The following RPS6KC1 variants were observed in gnomAD, a reference collection of about 807,000 sequenced individuals.
RPS6KC1 encodes the protein ribosomal protein S6 kinase C1.
In RPS6KC1, 54 loss-of-function variants were observed where a neutral mutation model predicts 103.8. That is an observed-to-expected ratio of 0.52 (90% CI 0.42 to 0.65). RPS6KC1 has a LOEUF of 0.65. Ranked by LOEUF, RPS6KC1 falls within the 30% of genes least tolerant of loss-of-function variation. The pLI is 0.00. For synonymous variants in RPS6KC1, 439 were observed against 438.7 expected (o/e 1.00, Z -0.01); for missense variants, 1,151 against 1,253.8 (o/e 0.92, Z 1.24).
chr1:213,370,248 A>ATTTAT, the RPS6KC1 span, among the ~76,000 whole-genome samples: 26,268 of 142,072 alleles, frequency 0.18, 2,905 homozygotes, highest in African/African-American at 0.33. Flanking sequence ...ATTTTATTTT[A>ATTTAT]TTTATTTTAT....
At chr1:213,231,005 T>C (rs2094091509) in intron 9 of RPS6KC1, among the ~76,000 whole-genome samples, 1 of 152,160 alleles carries the variant, frequency 6.6e-6, no homozygotes, top group Admixed American at 6.6e-5. Flanking sequence ...TGTCCTTTTA[T>C]GTTGTTTCTG....
the RPS6KC1 span, among the ~76,000 whole-genome samples, chr1:213,773,862 A>T: frequency 3.3e-5 from 5 of 152,244 alleles, no homozygotes; most frequent in African/African-American, 4.8e-5. Context: ...TCACAGCAAC[A>T]GTTACTGTGT....
the RPS6KC1 span, among the ~76,000 whole-genome samples, chr1:213,500,637 T>C: frequency 6.6e-6 from 1 of 152,130 alleles, no homozygotes; most frequent in Non-Finnish European, 1.5e-5. Flanking sequence ...AGTATTGGGG[T>C]TGTGCTATGA....
intron 3 of RPS6KC1, among the ~76,000 whole-genome samples, chr1:213,079,450 ACT>A (rs1450693505): frequency 1.3e-5 from 2 of 152,024 alleles, no homozygotes; most frequent in African/African-American, 4.8e-5. Flanking sequence ...ACAGAGTATC[ACT>A]CTGTCACCTA....
At chr1:213,768,135 T>C in the RPS6KC1 span, among the ~76,000 whole-genome samples, 1 of 152,286 alleles carries the variant, frequency 6.6e-6, no homozygotes, top group Admixed American at 6.5e-5. Flanking sequence ...TGGCTTTTAT[T>C]TTCCACAAAA....
chr1:213,084,360 C>G, intron 3 of RPS6KC1, among the ~76,000 whole-genome samples: 1 of 152,130 alleles, frequency 6.6e-6, no homozygotes, highest in East Asian at 1.9e-4. Context: ...GCCTCGACTT[C>G]CCAGACTGAA....
At chr1:213,354,598 T>C in the RPS6KC1 span, among the ~76,000 whole-genome samples, 2 of 152,220 alleles carry the variant, frequency 1.3e-5, no homozygotes. Flanking sequence ...GTCAAGGGGC[T>C]GCATCTGGTG....
intron 3 of RPS6KC1, among the ~76,000 whole-genome samples, chr1:213,097,415 A>G (rs2081566135): frequency 6.6e-6 from 1 of 152,208 alleles, no homozygotes; most frequent in East Asian, 1.9e-4. Context: ...GTCTTAAAAT[A>G]TTCAGTAGAC....
chr1:213,495,620 C>T, the RPS6KC1 span, among the ~76,000 whole-genome samples: 2 of 152,102 alleles, frequency 1.3e-5, no homozygotes, highest in Non-Finnish European at 2.9e-5. Flanking sequence ...TGCACCTGGC[C>T]CTAATATGCC....
the RPS6KC1 span, among the ~76,000 whole-genome samples, chr1:213,608,249 A>G: frequency 6.6e-6 from 1 of 152,156 alleles, no homozygotes; most frequent in Non-Finnish European, 1.5e-5. Flanking sequence ...GGGGTTCCAC[A>G]ACTCACAGAG....
the RPS6KC1 span, among the ~76,000 whole-genome samples, chr1:213,606,859 T>C: frequency 6.6e-6 from 1 of 152,204 alleles, no homozygotes; most frequent in Non-Finnish European, 1.5e-5. Context: ...AGAACTGATA[T>C]TACTGAGTCC....
chr1:213,177,558 A>G (rs1351973204), intron 8 of RPS6KC1, among the ~76,000 whole-genome samples: 1 of 152,214 alleles, frequency 6.6e-6, no homozygotes, highest in Non-Finnish European at 1.5e-5. Flanking sequence ...AAGTTCTGGC[A>G]AGGATCATTT....
the RPS6KC1 span, among the ~76,000 whole-genome samples, chr1:213,430,806 T>C: frequency 1.3e-5 from 2 of 152,256 alleles, no homozygotes; most frequent in Non-Finnish European, 2.9e-5. Context: ...CCTGTTCTCA[T>C]TGATCAATTT....
At chr1:213,377,633 C>T in the RPS6KC1 span, among the ~76,000 whole-genome samples, 1 of 152,258 alleles carries the variant, frequency 6.6e-6, no homozygotes, top group East Asian at 1.9e-4. Flanking sequence ...ATACTAAATG[C>T]CATGACTCCA....
chr1:213,287,564 C>G, the RPS6KC1 span, among the ~76,000 whole-genome samples: 15 of 152,062 alleles, frequency 9.9e-5, no homozygotes, highest in Admixed American at 6.5e-4. Flanking sequence ...TCAGTGTTAT[C>G]AAGGAAAGGA....
chr1:213,808,091 G>GT, the RPS6KC1 span, among the ~76,000 whole-genome samples: 2 of 152,176 alleles, frequency 1.3e-5, no homozygotes, highest in African/African-American at 2.4e-5. Flanking sequence ...CAGAACAGTG[G>GT]TTTTTCGTGA....
the RPS6KC1 span, among the ~76,000 whole-genome samples, chr1:213,311,151 T>G: frequency 3.7e-3 from 559 of 151,892 alleles, 4 homozygotes; most frequent in African/African-American, 0.013. Flanking sequence ...ATTTTTTTTT[T>G]TTTTTGAGAC....
At chr1:213,220,259 C>T (rs2093796907) in intron 8 of RPS6KC1, among the ~76,000 whole-genome samples, 1 of 152,088 alleles carries the variant, frequency 6.6e-6, no homozygotes, top group Admixed American at 6.5e-5. Flanking sequence ...AACTAATTCT[C>T]TGTGGAAGCA....
At chr1:213,115,388 T>A (rs1191071699) in intron 4 of RPS6KC1, among the ~76,000 whole-genome samples, 2 of 152,198 alleles carry the variant, frequency 1.3e-5, no homozygotes, top group African/African-American at 4.8e-5. Context: ...TTCTGTGGGA[T>A]CGGTGGTGAT....
Sources: allele counts gnomAD v4.1 joint callset (sites outside exome capture counted in the v4.1 genomes callset), GRCh38; gene constraint gnomAD v4.1.1; transcripts MANE v1.5; gene names NCBI Gene and HGNC (gene_info 2026-07-23, HGNC 2026-07-21).